Variants in SH2D4B observed in about 807,000 individuals in gnomAD.
SH2D4B encodes the protein SH2 domain containing 4B.
In SH2D4B, 45 loss-of-function variants were observed where a neutral mutation model predicts 61.5. The observed-to-expected ratio is 0.73, with a 90% confidence interval of 0.58 to 0.94. The LOEUF is 0.94. Ranked by LOEUF, SH2D4B falls within the 40% of genes least tolerant of loss-of-function variation. The pLI is 0.00. For missense variants in SH2D4B, 572 were observed against 574.2 expected (o/e 1.00, Z 0.04); for synonymous variants, 224 against 220.4 (o/e 1.02, Z -0.14).
At chr10:80,611,143 CCAGCCTGGG>C (rs1842592983) in intron 6 of SH2D4B, among the ~76,000 whole-genome samples, 1 of 142,936 alleles carries the variant, frequency 7.0e-6, no homozygotes, top group African/African-American at 2.7e-5. Flanking sequence ...ACATTGTACT[CCAGCCTGGG>C]CAACCAGAGC....
rs546888289 is a variant in SH2D4B at position 80,613,248 on chromosome 10, G to A, written c.988+3697G>A. Among the ~76,000 whole-genome samples the A allele has an allele frequency of 1.4e-4, 21 of 152,356 alleles. 1 individual carries two copies. The South Asian group carries it at 4.4e-3, about 32-fold the overall frequency. On this transcript the variant is annotated intron_variant, in intron 6 of 7. Transcript: ENST00000646907. ...TTCATTGTTATGTTCCAGGAATTGG[G>A]AGAGAGATTGTAGTTATATCAAACT... is the stretch of plus-strand genomic sequence containing the variant.
intron 6 of SH2D4B, among the ~76,000 whole-genome samples, chr10:80,610,159 T>C (rs757886291): frequency 1.8e-4 from 28 of 152,294 alleles, no homozygotes; most frequent in Admixed American, 1.4e-3. Context: ...AGCAGCTCTT[T>C]GCATGGCTGG....
At chr10:80,624,096 C>G (rs149119998) in intron 6 of SH2D4B, among the ~76,000 whole-genome samples, 1 of 152,324 alleles carries the variant, frequency 6.6e-6, no homozygotes, top group African/African-American at 2.4e-5. Context: ...AAATCCCACT[C>G]TAGAATGTGG....
intron 1 of SH2D4B, among the ~76,000 whole-genome samples, chr10:80,563,184 AGCCACCGCGCCCG>A (rs1245257472): frequency 1.3e-5 from 2 of 151,972 alleles, no homozygotes; most frequent in Non-Finnish European, 2.9e-5. Flanking sequence ...TACAGGCGTG[AGCCACCGCGCCCG>A]GCCGATGCTG....
At chr10:80,613,809 T>A (rs1469147474) in intron 6 of SH2D4B, among the ~76,000 whole-genome samples, 3 of 152,148 alleles carry the variant, frequency 2.0e-5, no homozygotes, top group Non-Finnish European at 4.4e-5. Flanking sequence ...CCCACCTGCT[T>A]CCACTGTGAC....
chr10:80,614,897 C>T (rs1016316461), intron 6 of SH2D4B, among the ~76,000 whole-genome samples: 3 of 152,204 alleles, frequency 2.0e-5, no homozygotes, highest in Non-Finnish European at 2.9e-5. Flanking sequence ...CTCATTTCTC[C>T]GTTGATGTTG....
chr10:80,568,640 C>T (rs1379863511), intron 1 of SH2D4B, among the ~76,000 whole-genome samples: 1 of 152,194 alleles, frequency 6.6e-6, no homozygotes, highest in African/African-American at 2.4e-5. Flanking sequence ...TTCCTGTGCT[C>T]TGTCATACAA....
intron 6 of SH2D4B, among the ~76,000 whole-genome samples, chr10:80,615,803 A>G (rs2132149021): frequency 6.6e-6 from 1 of 152,344 alleles, no homozygotes; most frequent in East Asian, 1.9e-4. Context: ...AGGCACTAAA[A>G]ATTCGTGTTT....
chr10:80,621,783 C>T (rs1383571691), intron 6 of SH2D4B, among the ~76,000 whole-genome samples: 1 of 152,198 alleles, frequency 6.6e-6, no homozygotes, highest in Non-Finnish European at 1.5e-5. Flanking sequence ...GGTCCCCTTC[C>T]CTGCAGTGAT....
chr10:80,638,492 A>G (rs1046411040), intron 7 of SH2D4B, among the ~76,000 whole-genome samples: 2 of 152,032 alleles, frequency 1.3e-5, no homozygotes, highest in African/African-American at 2.4e-5. Context: ...CAGTGATTCA[A>G]CTTCTTCCTG....
At chr10:80,601,538 G>A (rs1231821886) in intron 4 of SH2D4B, among the ~76,000 whole-genome samples, 1 of 152,194 alleles carries the variant, frequency 6.6e-6, no homozygotes. Flanking sequence ...TGCCGACTGT[G>A]TTCTTGGCAC....
In SH2D4B at chr10:80,644,378, G is replaced by A. The variant is rs938088680; in HGVS notation, c.*293G>A. On this transcript the variant is annotated 3_prime_UTR_variant, in exon 8 of 8. Transcript: ENST00000646907. Reference sequence around the variant, plus strand: ...CTGCCGTAAACCGAGCTCTTACAGTGCGTGGACCATGTTTTAATAATCCAA... The same window carrying A: ...CTGCCGTAAACCGAGCTCTTACAGTACGTGGACCATGTTTTAATAATCCAA... 4.0e-5 allele frequency: 12 copies of A among 298,574 alleles called. No individual in the cohort carries two copies. The highest frequency in any genetic ancestry group is 6.2e-5 in the Non-Finnish European group (10 of 162,528). The allele number at this position is 298,574 out of a possible 1,614,324, so 18.5% of individuals were successfully genotyped here.
chr10:80,639,053 C>T (rs888726516), intron 7 of SH2D4B, among the ~76,000 whole-genome samples: 1 of 152,220 alleles, frequency 6.6e-6, no homozygotes, highest in Non-Finnish European at 1.5e-5. Flanking sequence ...ACCCAGTAGT[C>T]ATTCAGGAGC....
chr10:80,629,543 T>C (rs1842806531), intron 6 of SH2D4B, among the ~76,000 whole-genome samples: 1 of 152,270 alleles, frequency 6.6e-6, no homozygotes, highest in East Asian at 1.9e-4. Flanking sequence ...GCAGCCTATG[T>C]TTGAGAGAAT....
At position 80,640,192 on chromosome 10, in the gene SH2D4B, C is replaced by T. The variant is rs143974146; in HGVS notation, c.1210-3801C>T. ...TGATGGGCTTCCCTTTGAGGTTAACCCGACCTTTCTCTCCCGCTGCCCTTA... is the reference window on the plus strand; with the variant it reads ...TGATGGGCTTCCCTTTGAGGTTAACTCGACCTTTCTCTCCCGCTGCCCTTA... On this transcript the variant is annotated intron_variant, in intron 7 of 7. Transcript: ENST00000646907. 3.9e-4 allele frequency among the ~76,000 whole-genome samples: 59 copies of T among 152,282 alleles called. 2 individuals are homozygous for T. The East Asian group carries it at 9.6e-3, about 25-fold the overall frequency.
At position 80,577,301 on chromosome 10, in the gene SH2D4B, A is replaced by T. The variant is rs11186133; in HGVS notation, c.495+5723A>T. 9.9e-3 allele frequency among the ~76,000 whole-genome samples: 1,503 copies of T among 152,292 alleles called. 23 individuals are homozygous for T. Among genetic ancestry groups the T allele is most frequent in the African/African-American group, 0.035 (1,442 of 41,560 alleles). On this transcript the variant is annotated intron_variant, in intron 3 of 7. Coordinates refer to ENST00000646907, the MANE Select transcript of SH2D4B (RefSeq NM_001388272.1). ...CAGCCCATCCCAGTGAATGACCCCAACCAAATGATTGACCTCAATTGATAC... is the reference window on the plus strand; with the variant it reads ...CAGCCCATCCCAGTGAATGACCCCATCCAAATGATTGACCTCAATTGATAC...
chr10:80,633,121 G>A (rs1360680029), intron 6 of SH2D4B, among the ~76,000 whole-genome samples: 3 of 151,846 alleles, frequency 2.0e-5, no homozygotes, highest in South Asian at 2.1e-4. Context: ...GCCTGACTGC[G>A]GCTCGCTCGG....
At chr10:80,564,063 G>A (rs2132114007) in intron 1 of SH2D4B, among the ~76,000 whole-genome samples, 1 of 152,240 alleles carries the variant, frequency 6.6e-6, no homozygotes, top group East Asian at 1.9e-4. Context: ...GATGGTTACA[G>A]GTATTTAAAT....
In SH2D4B at chr10:80,609,483, A is replaced by AGGAG. The variant is rs764634101; in HGVS notation, c.922_925dup (p.Glu309GlyfsTer26). 1.9e-6 allele frequency: 3 copies of AGGAG among 1,614,054 alleles called. No homozygotes were observed. In the African/African-American group the frequency reaches 4.0e-5, roughly 22 times the overall value. ...AGAGATGTCATCGTCCGCTGGTTTAAGGAGGAGCAGCTGCCTCGCCGAGCT... is the reference window on the plus strand; with the variant it reads ...AGAGATGTCATCGTCCGCTGGTTTAAGGAGGGAGGAGCAGCTGCCTCGCCGAGCT... On this transcript the variant is annotated frameshift_variant, in exon 6 of 8. Coordinates refer to ENST00000646907, the MANE Select transcript of SH2D4B (RefSeq NM_001388272.1). LOFTEE classifies it high-confidence loss of function.
Sources: gnomAD v4.1 joint callset for allele counts (sites outside exome capture counted in the v4.1 genomes callset) on GRCh38, gnomAD v4.1.1 for gene constraint, MANE v1.5 for transcripts, NCBI Gene and HGNC (gene_info 2026-07-23, HGNC 2026-07-21) for gene names.